Variants in DGAT2L6 observed in about 807,000 individuals in gnomAD.
DGAT2L6 encodes the protein diacylglycerol O-acyltransferase 2 like 6, also known as diacylglycerol O-acyltransferase 2-like protein 6.
In DGAT2L6, 22 loss-of-function variants were observed where a neutral mutation model predicts 25.5. That is an observed-to-expected ratio of 0.86 (90% CI 0.62 to 1.23). The LOEUF is 1.23. Ranked by LOEUF, DGAT2L6 falls within the 50% of genes most tolerant of loss-of-function variation. DGAT2L6 has a pLI of 0.00. For synonymous variants in DGAT2L6, 100 were observed against 94.7 expected, an observed-to-expected ratio of 1.06 and a Z score of -0.32; for missense variants, 287 against 253.2, an observed-to-expected ratio of 1.13 and a Z score of -0.91.
chrX:70,192,990 A>G (rs145454693), intron 1 of DGAT2L6, among the ~76,000 whole-genome samples: 159 of 111,776 alleles, frequency 1.4e-3, no homozygotes, highest in Middle Eastern at 0.014. Flanking sequence ...AGAATAAATT[A>G]TGAAGGAAGA....
At position 70,205,124 on chromosome X, in the gene DGAT2L6, A is replaced by G; in HGVS notation, c.*18A>G. 8.5e-7 allele frequency: 1 copy of G among 1,176,232 alleles called. No individual in the cohort carries two copies. On this transcript the variant is annotated 3_prime_UTR_variant, in exon 7 of 7. Coordinates refer to ENST00000333026, the MANE Select transcript of DGAT2L6 (RefSeq NM_198512.3). ...TTACATAACAGGAGCCACATTCCCC[A>G]TTGATCAACCCCCAAAGCCATGAGG...
At chrX:70,184,120 C>A (rs888343028) in intron 1 of DGAT2L6, among the ~76,000 whole-genome samples, 3 of 111,741 alleles carry the variant, frequency 2.7e-5, no homozygotes, top group African/African-American at 9.8e-5. Flanking sequence ...GCAAGTGAGT[C>A]TCTGTTATTT....
rs3084451 is a variant in DGAT2L6 at position 70,179,562 on chromosome X, C to CTTTT, written c.85+1914_85+1917dup. On this transcript the variant is annotated intron_variant, in intron 1 of 6. Coordinates refer to ENST00000333026, the MANE Select transcript of DGAT2L6 (RefSeq NM_198512.3). ...ACCCAAGAATGCTCTTCTGAGGCAG[C>CTTTT]TTTTTTTTTTTTTTTTTTTTTTGAG... is the stretch of plus-strand genomic sequence containing the variant. Among the ~76,000 whole-genome samples, 161 of 64,214 alleles carry CTTTT rather than the reference C, an allele frequency of 2.5e-3. 7 individuals are homozygous for CTTTT. Among genetic ancestry groups the CTTTT allele is most frequent in the African/African-American group, 9.0e-3 (120 of 13,399 alleles). 55.8% of individuals were successfully genotyped at this position (64,214 alleles called of 115,157 possible). A position where few individuals can be genotyped will look rare whatever the true frequency, so the allele number is the denominator to read the frequency against.
intron 1 of DGAT2L6, among the ~76,000 whole-genome samples, chrX:70,189,388 T>G (rs2085369075): frequency 9.0e-6 from 1 of 111,647 alleles, no homozygotes; most frequent in African/African-American, 3.2e-5. Context: ...TTTAAATACC[T>G]TCAAAAATAA....
intron 1 of DGAT2L6, among the ~76,000 whole-genome samples, chrX:70,179,209 C>T (rs770948034): frequency 1.3e-4 from 15 of 112,163 alleles, no homozygotes; most frequent in Non-Finnish European, 2.3e-4. Flanking sequence ...ATGCTAAGCC[C>T]ATTGATGGCT....
intron 1 of DGAT2L6, among the ~76,000 whole-genome samples, chrX:70,194,655 T>C (rs769930783): frequency 6.7e-4 from 75 of 112,024 alleles, no homozygotes; most frequent in Non-Finnish European, 1.2e-3. Flanking sequence ...GGATAGTTTC[T>C]TCAATAAATG....
At chrX:70,178,131 G>A (rs186908267) in intron 1 of DGAT2L6, among the ~76,000 whole-genome samples, 299 of 103,004 alleles carry the variant, frequency 2.9e-3, no homozygotes, top group Non-Finnish European at 3.5e-3. Flanking sequence ...GCAAGACTCC[G>A]TCTCAAGATG....
intron 1 of DGAT2L6, among the ~76,000 whole-genome samples, chrX:70,198,535 T>C (rs1160992823): frequency 9.1e-6 from 1 of 109,655 alleles, no homozygotes; most frequent in Non-Finnish European, 1.9e-5. Flanking sequence ...GTTGTTGTTG[T>C]TTGTTTTGTT....
chrX:70,201,886 A>C lies in DGAT2L6; in HGVS notation c.473-4A>C, dbSNP rs945438064. On this transcript the variant is annotated splice_region_variant and splice_polypyrimidine_tract_variant and intron_variant, in intron 4 of 6. Transcript: ENST00000333026. ...TTCTACCACTTGACTCTTTGGTTTC[A>C]CAGGTGTGTGCCCTGTGAGTAGCTC... 24 of 1,161,472 alleles carry C rather than the reference A, an allele frequency of 2.1e-5. No homozygotes were observed. The highest frequency in any genetic ancestry group is 2.5e-5 in the Non-Finnish European group (22 of 873,895).
intron 1 of DGAT2L6, among the ~76,000 whole-genome samples, chrX:70,196,315 A>G (rs2085390768): frequency 9.3e-6 from 1 of 107,541 alleles, no homozygotes; most frequent in Non-Finnish European, 1.9e-5. Context: ...CTGTCTCTAC[A>G]AAAAAATACA....
intron 1 of DGAT2L6, among the ~76,000 whole-genome samples, chrX:70,182,977 G>C (rs1175771754): frequency 9.1e-6 from 1 of 109,557 alleles, no homozygotes; most frequent in African/African-American, 3.3e-5. Context: ...ATTTTTAGTA[G>C]AGACAGGGTT....
chrX:70,203,017 G>A (rs761375432), intron 5 of DGAT2L6, among the ~76,000 whole-genome samples: 1 of 112,150 alleles, frequency 8.9e-6, no homozygotes, highest in Non-Finnish European at 1.9e-5. Flanking sequence ...CTGCTTTAGA[G>A]TCTTTGCTTT....
At chrX:70,179,705 C>T (rs2085337418) in intron 1 of DGAT2L6, among the ~76,000 whole-genome samples, 1 of 107,732 alleles carries the variant, frequency 9.3e-6, no homozygotes, top group Non-Finnish European at 1.9e-5. Flanking sequence ...GTAGCCGGGA[C>T]TACAGGTGTG....
At chrX:70,188,962 A>G (rs1408774026) in intron 1 of DGAT2L6, among the ~76,000 whole-genome samples, 1 of 96,256 alleles carries the variant, frequency 1.0e-5, no homozygotes, top group Non-Finnish European at 2.0e-5. Flanking sequence ...CCTCAACCTG[A>G]TAAAGGGCAT....
intron 1 of DGAT2L6, among the ~76,000 whole-genome samples, chrX:70,180,611 A>T (rs2085340601): frequency 9.0e-6 from 1 of 111,637 alleles, no homozygotes; most frequent in Admixed American, 9.5e-5. Context: ...CATGTCATTA[A>T]GTACATTCAC....
intron 1 of DGAT2L6, among the ~76,000 whole-genome samples, chrX:70,178,942 A>G (rs1210886526): frequency 2.7e-5 from 3 of 112,475 alleles, no homozygotes; most frequent in Non-Finnish European, 5.6e-5. Flanking sequence ...TCAAAATTCC[A>G]GTAGTTATTG....
intron 1 of DGAT2L6, among the ~76,000 whole-genome samples, chrX:70,180,398 A>C (rs1441064209): frequency 2.7e-5 from 3 of 110,878 alleles, no homozygotes; most frequent in Non-Finnish European, 5.7e-5. Flanking sequence ...GCAGTGAGCC[A>C]AGATTGCGCC....
intron 1 of DGAT2L6, among the ~76,000 whole-genome samples, chrX:70,198,665 C>T (rs773881634): frequency 9.0e-6 from 1 of 111,615 alleles, no homozygotes; most frequent in Admixed American, 9.5e-5. Flanking sequence ...GCCTCCACCT[C>T]CCGAGTAGCA....
At chrX:70,200,105 C>A in intron 3 of DGAT2L6, 150 bp from the exon 4 acceptor site, 2 of 646,990 alleles carry the variant, frequency 3.1e-6, no homozygotes, top group Non-Finnish European at 2.3e-6. Flanking sequence ...CCATCGTGAG[C>A]CCTGGCAATC....
Sources: gnomAD v4.1 joint callset for allele counts (sites outside exome capture counted in the v4.1 genomes callset) on GRCh38, gnomAD v4.1.1 for gene constraint, MANE v1.5 for transcripts, NCBI Gene and HGNC (gene_info 2026-07-23, HGNC 2026-07-21) for gene names.